Variants in ARL1 observed in about 807,000 individuals in gnomAD.
ARL1 encodes the protein ADP-ribosylation factor-like protein 1.
ARL1 carries 17 observed loss-of-function variants against 30.1 expected under a neutral mutation model. That is an observed-to-expected ratio of 0.56 (90% CI 0.39 to 0.85). The LOEUF (loss-of-function observed/expected upper bound fraction) is 0.85. Ranked by LOEUF, ARL1 falls within the 40% of genes least tolerant of loss-of-function variation. The pLI, the probability that ARL1 is intolerant of heterozygous loss-of-function variation, is 0.00. For synonymous variants in ARL1, 58 were observed against 71.7 expected (o/e 0.81, Z 0.97); for missense variants, 102 against 212.6 (o/e 0.48, Z 3.24).
intron 4 of ARL1, chr12:101,400,422 A>G (rs1021162616): frequency 2.6e-5 from 4 of 152,164 alleles, no homozygotes; most frequent in African/African-American, 7.2e-5. Context: ...GAAAAAGAAA[A>G]AAAAGAAACA....
chr12:101,400,976 C>G, intron 4 of ARL1, 86 bp downstream of exon 4: 1 of 871,508 alleles, frequency 1.1e-6, no homozygotes, highest in Non-Finnish European at 1.8e-6. Context: ...ATGGAGGGAA[C>G]AACCCCTGCA....
At chr12:101,404,089 TAAC>T (rs1437491124) in intron 2 of ARL1, among the ~76,000 whole-genome samples, 19 of 152,214 alleles carry the variant, frequency 1.2e-4, no homozygotes, top group African/African-American at 3.9e-4. Flanking sequence ...AATTAAAAAA[TAAC>T]AATACTATGA....
intron 2 of ARL1, among the ~76,000 whole-genome samples, chr12:101,404,829 T>G (rs1208197795): frequency 6.6e-6 from 1 of 152,182 alleles, no homozygotes; most frequent in African/African-American, 2.4e-5. Context: ...CAGTAATAAT[T>G]GATTAAAATT....
intron 1 of ARL1, 70 bp from the exon 2 acceptor site, chr12:101,406,051 T>C: frequency 2.3e-6 from 3 of 1,283,760 alleles, no homozygotes; most frequent in South Asian, 3.1e-5. Context: ...ACATCTAACC[T>C]TGTCCTTTGA....
At chr12:101,404,700 CTTTAA>C (rs960254884) in intron 2 of ARL1, among the ~76,000 whole-genome samples, 2 of 152,110 alleles carry the variant, frequency 1.3e-5, no homozygotes, top group Admixed American at 6.5e-5. Context: ...TGTATGAACT[CTTTAA>C]TTTAAATGTA....
intron 4 of ARL1, among the ~76,000 whole-genome samples, chr12:101,398,289 A>C (rs2121108744): frequency 6.6e-6 from 1 of 151,524 alleles, no homozygotes; most frequent in East Asian, 2.0e-4. Context: ...CCAGCTACTC[A>C]GGAGGCTGAG....
chr12:101,397,857 G>A (rs1355067262), intron 4 of ARL1, among the ~76,000 whole-genome samples: 5 of 151,960 alleles, frequency 3.3e-5, no homozygotes, highest in African/African-American at 4.8e-5. Context: ...TTTCCCCTAC[G>A]AATTGCCTTT....
At chr12:101,407,265 A>C (rs1287781029) in intron 1 of ARL1, 1 of 273,040 alleles carries the variant, frequency 3.7e-6, no homozygotes, top group African/African-American at 2.2e-5. Flanking sequence ...TTCACCAAGA[A>C]ACCTCGGCGA....
intron 3 of ARL1, among the ~76,000 whole-genome samples, chr12:101,401,902 A>C (rs942453803): frequency 6.6e-6 from 1 of 152,106 alleles, no homozygotes; most frequent in African/African-American, 2.4e-5. Flanking sequence ...ACTGACATCA[A>C]GCAGTAGAAA....
chr12:101,393,339 A>G lies in ARL1; in HGVS notation c.*2301T>C, dbSNP rs963242261. On this transcript the variant is annotated 3_prime_UTR_variant, in exon 6 of 6. Transcript: ENST00000261636. ...ATTTTTTTTTTTAATGCAAGACACA[A>G]CACAATCATAGGCCAGAGTTATAAA... 3.3e-5 allele frequency: 5 copies of G among 152,174 alleles called. No individual in the cohort carries two copies. The South Asian group carries it at 8.3e-4, about 25-fold the overall frequency. 9.4% of individuals were successfully genotyped at this position (152,174 alleles called of 1,614,324 possible). A position where few individuals can be genotyped will look rare whatever the true frequency, so the allele number is the denominator to read the frequency against.
intron 2 of ARL1, among the ~76,000 whole-genome samples, chr12:101,404,834 A>G (rs1279172918): frequency 2.6e-5 from 4 of 152,210 alleles, no homozygotes; most frequent in African/African-American, 9.6e-5. Flanking sequence ...ATAATTGATT[A>G]AAATTGAGGT....
intron 2 of ARL1, 88 bp downstream of exon 2, chr12:101,405,756 T>C: frequency 7.1e-7 from 1 of 1,404,372 alleles, no homozygotes. Context: ...TGATCTCTAC[T>C]AAAACAAACA....
chr12:101,405,849 A>G lies in ARL1; in HGVS notation c.137T>C (p.Ile46Thr), dbSNP rs1871426153. ...CTCATCATACCAACACTTACTAGGT[A>G]TAGTAGTAACAACTTCTCCCACTTG... ...RLQVGEVVTT[I>T]PTIGFNVETV... The change falls in exon 2 of 6, where the codon ATA becomes ACA. Residue 46 changes from isoleucine to threonine, a missense_variant. Coordinates refer to ENST00000261636, the MANE Select transcript of ARL1 (RefSeq NM_001177.6). 1 of 1,563,478 alleles carries G rather than the reference A, an allele frequency of 6.4e-7. No individual in the cohort carries two copies. Among genetic ancestry groups the G allele is most frequent in the Non-Finnish European group, 8.7e-7 (1 of 1,152,876 alleles).
Position 101,394,880 on chromosome 12 carries a change from T to G in ARL1, c.*760A>C, listed in dbSNP as rs1253841307. The G allele has an allele frequency of 1.3e-5, 2 of 152,184 alleles. No individual in the cohort carries two copies. The highest frequency in any genetic ancestry group is 2.9e-5 in the Non-Finnish European group (2 of 68,026). 9.4% of individuals were successfully genotyped at this position (152,184 alleles called of 1,614,324 possible). ...AAGCTTCTGAACCAAAAGTTTTACT[T>G]TGAGCCCTATTCCTACCTTACAAGC... On this transcript the variant is annotated 3_prime_UTR_variant, in exon 6 of 6. Transcript: ENST00000261636.
At position 101,407,707 on chromosome 12, in the gene ARL1, C is replaced by T. The variant is rs1332253637; in HGVS notation, c.-62G>A. The T allele has an allele frequency of 1.2e-6, 2 of 1,609,198 alleles. No homozygotes were observed. The highest frequency in any genetic ancestry group is 8.5e-7 in the Non-Finnish European group (1 of 1,178,660). The stretch of plus-strand genomic sequence containing the variant: ...ATTCCTTGGCCTTCGGCTGCAGCTC[C>T]GAGGCGGTTTCCTCGCAAGCCCAGT... On this transcript the variant is annotated 5_prime_UTR_variant, in exon 1 of 6. Transcript: ENST00000261636.
intron 3 of ARL1, 67 bp downstream of exon 3, chr12:101,402,798 G>T: frequency 1.7e-6 from 2 of 1,146,050 alleles, no homozygotes; most frequent in South Asian, 1.5e-5. Context: ...CGGGTTTACT[G>T]ATTTTAACCC....
At chr12:101,400,377 C>T (rs1212018176) in intron 4 of ARL1, 3 of 145,030 alleles carry the variant, frequency 2.1e-5, no homozygotes, top group East Asian at 2.0e-4. Context: ...AGGTAGACCC[C>T]GTCTCTACAA....
rs1437510421 is a variant in ARL1, at chr12:101,405,590, C to T, written c.142+254G>A. 2.0e-4 allele frequency: 44 copies of T among 223,736 alleles called. 2 individuals are homozygous for T. The Admixed American group carries it at 2.5e-3, about 12-fold the overall frequency. 13.9% of individuals were successfully genotyped at this position (223,736 alleles called of 1,614,324 possible). A position where few individuals can be genotyped will look rare whatever the true frequency, so the allele number is the denominator to read the frequency against. The stretch of plus-strand genomic sequence containing the variant: ...TATGTTCATACTAGCAGTTTACAAA[C>T]TTTATCAAATACTTTATTATATGAA... On this transcript the variant is annotated intron_variant, in intron 2 of 5. Coordinates refer to ENST00000261636, the MANE Select transcript of ARL1 (RefSeq NM_001177.6).
intron 1 of ARL1, 25 bp from the exon 2 acceptor site, chr12:101,406,006 A>T: frequency 6.5e-7 from 1 of 1,534,792 alleles, no homozygotes; most frequent in South Asian, 1.2e-5. Context: ...AAGAAAAAAC[A>T]TACACAATGT....
Sources: gnomAD v4.1 joint callset for allele counts (sites outside exome capture counted in the v4.1 genomes callset) on GRCh38, gnomAD v4.1.1 for gene constraint, MANE v1.5 for transcripts, NCBI Gene and HGNC (gene_info 2026-07-23, HGNC 2026-07-21) for gene names.